The following TBK1 variants were observed in gnomAD, a reference collection of about 807,000 sequenced individuals.
TBK1 encodes the protein serine/threonine-protein kinase TBK1.
A neutral mutation model predicts 99.9 loss-of-function variants in TBK1; 37 were observed. That is an observed-to-expected ratio of 0.37 (90% CI 0.28 to 0.49). The LOEUF (loss-of-function observed/expected upper bound fraction) is 0.49, where lower values mean the gene tolerates loss of function less well. Ranked by LOEUF, TBK1 falls within the 20% of genes least tolerant of loss-of-function variation. TBK1 has a pLI of 0.98. For missense variants in TBK1, 644 were observed against 872.5 expected (o/e 0.74, Z 3.30); for synonymous variants, 258 against 279.8 (o/e 0.92, Z 0.78).
At chr12:64,468,721 T>C (rs1289189365) in intron 5 of TBK1, among the ~76,000 whole-genome samples, 12 of 151,952 alleles carry the variant, frequency 7.9e-5, no homozygotes, top group Admixed American at 7.9e-4. Context: ...GACAATAAAT[T>C]AAGGTAATAA....
At chr12:64,490,498 G>A (rs147508342) in intron 13 of TBK1, among the ~76,000 whole-genome samples, 291 of 150,444 alleles carry the variant, frequency 1.9e-3, no homozygotes, top group African/African-American at 7.0e-3. Flanking sequence ...AATGACTACT[G>A]TAATTTAAAC....
At chr12:64,498,650 T>C (rs1390799065) in intron 20 of TBK1, among the ~76,000 whole-genome samples, 3 of 152,216 alleles carry the variant, frequency 2.0e-5, no homozygotes, top group African/African-American at 7.2e-5. Flanking sequence ...ACGCTTGTAA[T>C]GCTAATAAAA....
chr12:64,499,325 A>G (rs970087525), intron 20 of TBK1, among the ~76,000 whole-genome samples: 7 of 152,070 alleles, frequency 4.6e-5, no homozygotes, highest in Non-Finnish European at 1.0e-4. Flanking sequence ...GATTACAGGC[A>G]TGAGCCACCG....
At chr12:64,499,037 CTTTT>C (rs763709411) in intron 20 of TBK1, among the ~76,000 whole-genome samples, 5 of 79,270 alleles carry the variant, frequency 6.3e-5, no homozygotes, top group South Asian at 5.1e-4. Flanking sequence ...TAATTTTATT[CTTTT>C]TTTTTTTTTT....
intron 2 of TBK1, among the ~76,000 whole-genome samples, chr12:64,459,152 T>C (rs555305287): frequency 4.2e-4 from 64 of 152,214 alleles, no homozygotes; most frequent in African/African-American, 1.5e-3. Context: ...GAAATGTCTT[T>C]AGCCATGAAA....
chr12:64,477,290 C>T lies in TBK1; in HGVS notation c.702-2722C>T, dbSNP rs138669251. ...ATTTTAATGATATTGATTCTTCCAA[C>T]CCATGCGCATGGAATGCTTTTCCAT... On this transcript the variant is annotated intron_variant, in intron 6 of 20. Coordinates refer to ENST00000331710, the MANE Select transcript of TBK1 (RefSeq NM_013254.4). Among the ~76,000 whole-genome samples the T allele has an allele frequency of 4.0e-3, 615 of 152,296 alleles. 3 individuals are homozygous for T. The highest frequency in any genetic ancestry group is 0.01 in the Middle Eastern group (3 of 294).
chr12:64,495,883 T>G, intron 15 of TBK1, 108 bp downstream of exon 15: 1 of 804,610 alleles, frequency 1.2e-6, no homozygotes, highest in Non-Finnish European at 1.8e-6. Flanking sequence ...TTAAGCTGTT[T>G]TTTTCAGAGA....
Position 64,501,541 on chromosome 12 carries a change from A to G in TBK1, c.*160A>G, listed in dbSNP as rs376089824. On this transcript the variant is annotated 3_prime_UTR_variant, in exon 21 of 21. Coordinates refer to ENST00000331710, the MANE Select transcript of TBK1 (RefSeq NM_013254.4). ...ATTGTAAATACATAAAAAATATACA[A>G]ATTTTTGGCTGCTGTGAAGATGTAA... The G allele has an allele frequency of 1.5e-6, 1 of 671,880 alleles. No homozygotes were observed. The highest frequency in any genetic ancestry group is 3.0e-5 in the East Asian group (1 of 32,938). 41.6% of individuals were successfully genotyped at this position (671,880 alleles called of 1,614,324 possible).
At chr12:64,484,145 T>C (rs2040795408) in intron 8 of TBK1, 158 bp from the exon 9 acceptor site, 4 of 551,762 alleles carry the variant, frequency 7.2e-6, no homozygotes. Flanking sequence ...TTATATGGAA[T>C]GGAGTTTGTA....
chr12:64,500,704 G>T (rs574710726), intron 20 of TBK1, among the ~76,000 whole-genome samples: 16 of 149,852 alleles, frequency 1.1e-4, no homozygotes, highest in African/African-American at 3.2e-4. Flanking sequence ...TTCTAGCAAG[G>T]TCTCATTTCT....
chr12:64,459,004 C>T (rs1397565724), intron 2 of TBK1, among the ~76,000 whole-genome samples: 1 of 152,052 alleles, frequency 6.6e-6, no homozygotes, highest in Non-Finnish European at 1.5e-5. Context: ...GATTATGAAG[C>T]AGTTAAATGG....
intron 7 of TBK1, among the ~76,000 whole-genome samples, chr12:64,481,352 C>T (rs1373034503): frequency 1.3e-5 from 2 of 152,158 alleles, no homozygotes; most frequent in African/African-American, 2.4e-5. Context: ...TACCAAGTTA[C>T]AAATTCTTTG....
At chr12:64,501,215 A>G in intron 20 of TBK1, 115 bp from the exon 21 acceptor site, 2 of 959,410 alleles carry the variant, frequency 2.1e-6, no homozygotes, top group Non-Finnish European at 3.2e-6. Flanking sequence ...AGTTACTTAA[A>G]CTCTTTAAAA....
At chr12:64,479,165 T>G (rs141968411) in intron 6 of TBK1, among the ~76,000 whole-genome samples, 1 of 152,378 alleles carries the variant, frequency 6.6e-6, no homozygotes, top group Non-Finnish European at 1.5e-5. Flanking sequence ...AGCATCTCAT[T>G]TGCATGTTAT....
chr12:64,491,886 A>G (rs2040873411), intron 13 of TBK1, among the ~76,000 whole-genome samples: 1 of 152,192 alleles, frequency 6.6e-6, no homozygotes, highest in Admixed American at 6.5e-5. Context: ...AACAGAATAG[A>G]AAATGTCAGA....
At chr12:64,496,909 G>A (rs765742659) in intron 16 of TBK1, 40 bp from the exon 17 acceptor site, 3 of 1,347,962 alleles carry the variant, frequency 2.2e-6, no homozygotes, top group Non-Finnish European at 3.1e-6. Context: ...AGTAGAAACA[G>A]TGACATTGGT....
At chr12:64,464,814 C>T (rs1205035509) in intron 4 of TBK1, among the ~76,000 whole-genome samples, 1 of 151,994 alleles carries the variant, frequency 6.6e-6, no homozygotes, top group East Asian at 1.9e-4. Context: ...AAAGAAGATA[C>T]ACAAGTGGCT....
At chr12:64,493,315 C>T (rs1480010499) in intron 13 of TBK1, among the ~76,000 whole-genome samples, 1 of 152,170 alleles carries the variant, frequency 6.6e-6, no homozygotes, top group African/African-American at 2.4e-5. Context: ...CATTGCCCTG[C>T]AGCAGTGCTT....
rs117899914 is a variant in TBK1 at position 64,455,056 on chromosome 12, C to T, written c.-31-784C>T. Among the ~76,000 whole-genome samples the T allele has an allele frequency of 3.0e-4, 43 of 141,008 alleles. 1 individual carries two copies. In the East Asian group the frequency reaches 7.4e-3, roughly 24 times the overall value. 92.5% of individuals were successfully genotyped at this position (141,008 alleles called of 152,430 possible). On this transcript the variant is annotated intron_variant, in intron 1 of 20. Transcript: ENST00000331710. Reference sequence around the variant, plus strand: ...AGGCTGGAATAGGGTGGCACGATTTCAGCTCACTGCAGCCTCTGCTTCCGG... The same window carrying T: ...AGGCTGGAATAGGGTGGCACGATTTTAGCTCACTGCAGCCTCTGCTTCCGG...
Sources: gnomAD v4.1 joint callset for allele counts (sites outside exome capture counted in the v4.1 genomes callset) on GRCh38, gnomAD v4.1.1 for gene constraint, MANE v1.5 for transcripts, NCBI Gene and HGNC (gene_info 2026-07-23, HGNC 2026-07-21) for gene names.